The following INF2 variants were observed in gnomAD, a reference collection of about 807,000 sequenced individuals.
The protein encoded by INF2 is inverted formin 2.
Under a neutral mutation model 123.5 loss-of-function variants are expected in INF2, and 43 were observed. The ratio of observed to expected loss-of-function variants is 0.35; its 90% CI spans 0.27 to 0.45. INF2 has a LOEUF of 0.45. Ranked by LOEUF, INF2 falls within the 20% of genes least tolerant of loss-of-function variation. The pLI is 1.00. For synonymous variants in INF2, 851 were observed against 745.0 expected, an observed-to-expected ratio of 1.14 and a Z score of -2.32; for missense variants, 1,453 against 1,682.7, an observed-to-expected ratio of 0.86 and a Z score of 2.39.
intron 1 of INF2, among the ~76,000 whole-genome samples, chr14:104,692,342 C>A (rs1179342989): frequency 6.6e-6 from 1 of 152,260 alleles, no homozygotes; most frequent in Non-Finnish European, 1.5e-5. Flanking sequence ...AAAGCCCCTA[C>A]TGTGTGCATC....
Position 104,703,775 on chromosome 14 carries a change from GATGTCT to G in INF2, c.668-140_668-135del, listed in dbSNP as rs199612689. 110,478 of 1,455,364 alleles carry G rather than the reference GATGTCT, an allele frequency of 0.076. 4,731 individuals carry two copies. Among genetic ancestry groups the G allele is most frequent in the Middle Eastern group, 0.1 (550 of 5,404 alleles). The allele number at this position is 1,455,364 out of a possible 1,614,324, so 90.2% of individuals were successfully genotyped here. ...GTAAGCATCACTGTGTGTCCAGCAT[GATGTCT>G]CCCCTCCAGAGCCTCAGGTCTCTGG... On this transcript the variant is annotated intron_variant, in intron 4 of 22. Transcript: ENST00000392634.
intron 7 of INF2, 94 bp downstream of exon 7, chr14:104,707,145 C>T (rs1889818335): frequency 2.7e-6 from 4 of 1,508,912 alleles, no homozygotes; most frequent in Non-Finnish European, 2.7e-6. Flanking sequence ...GGCCCCAACC[C>T]ATCCTCTGCC....
rs555937950 is a variant in INF2, at chr14:104,714,962, A to G, written c.3694+106A>G. 689 of 1,257,858 alleles carry G rather than the reference A, an allele frequency of 5.5e-4. No individual in the cohort carries two copies. The Middle Eastern group carries it at 7.9e-3, about 14-fold the overall frequency. 77.9% of individuals were successfully genotyped at this position (1,257,858 alleles called of 1,614,324 possible). ...ACTGCAAGTTCCAGCGGCACCCAGG[A>G]GAGGTGACTTGGGTGCGGCACGGGA... On this transcript the variant is annotated intron_variant, in intron 21 of 22. Coordinates refer to ENST00000392634, the MANE Select transcript of INF2 (RefSeq NM_022489.4).
rs1595167027 is a variant in INF2, at chr14:104,703,912, C to T, written c.668-4C>T. On this transcript the variant is annotated splice_polypyrimidine_tract_variant and splice_region_variant and intron_variant, in intron 4 of 22. Transcript: ENST00000392634. ...ACCCTCTGACCCTGTCCGTCCCTTC[C>T]CAGGGCTGCAGCTGCTGGACGTCCT... 2 of 1,611,272 alleles carry T rather than the reference C, an allele frequency of 1.2e-6. No individual in the cohort carries two copies. The highest frequency in any genetic ancestry group is 1.1e-5 in the South Asian group (1 of 91,082).
rs1889891017 is a variant in INF2, at chr14:104,708,505, TCGAGCGA to T, written c.1807_1813del (p.Glu603TyrfsTer35). The T allele has an allele frequency of 6.2e-7, 1 of 1,612,288 alleles. No individual in the cohort carries two copies. On this transcript the variant is annotated frameshift_variant, in exon 9 of 23. Coordinates refer to ENST00000392634, the MANE Select transcript of INF2 (RefSeq NM_022489.4). LOFTEE classifies it high-confidence loss of function. The stretch of plus-strand genomic sequence containing the variant: ...GCTGTGGAGCCCGACTTCTCCAGCA[TCGAGCGA>T]CTATTCTCCTTCCCTGCAGCCAAGC...
Position 104,717,300 on chromosome 14 carries a change from C to CG in INF2, c.*2-1495_*2-1494insG, listed in dbSNP as rs1041835491. 3.1e-4 allele frequency among the ~76,000 whole-genome samples: 44 copies of CG among 141,900 alleles called. 1 individual carries two copies. Among genetic ancestry groups the CG allele is most frequent in the Admixed American group, 1.8e-3 (26 of 14,702 alleles). The allele number at this position is 141,900 out of a possible 152,430, so 93.1% of individuals were successfully genotyped here. A position where few individuals can be genotyped will look rare whatever the true frequency, so the allele number is the denominator to read the frequency against. On this transcript the variant is annotated intron_variant, in intron 22 of 22. Transcript: ENST00000392634. ...GTGCGCTGCCGTCCTCCCAGTCCCC[C>CG]CCCCGGGCAGGGCGCGCTGCCGTCC...
Position 104,715,450 on chromosome 14 carries a change from C to T in INF2, c.*1+110C>T, listed in dbSNP as rs543379118. 1.9e-5 allele frequency: 19 copies of T among 1,024,906 alleles called. 1 individual carries two copies. The highest frequency in any genetic ancestry group is 1.1e-4 in the South Asian group (9 of 78,876). 63.5% of individuals were successfully genotyped at this position (1,024,906 alleles called of 1,614,324 possible). A position where few individuals can be genotyped will look rare whatever the true frequency, so the allele number is the denominator to read the frequency against. ...ACACTAACCTGGCTTCTCTCCAGCC[C>T]GCGTGGTGCGTCAGTGTGGCCTTGC... On this transcript the variant is annotated intron_variant, in intron 22 of 22. Coordinates refer to ENST00000392634, the MANE Select transcript of INF2 (RefSeq NM_022489.4).
intron 22 of INF2, chr14:104,715,879 G>A (rs779671469): frequency 4.4e-6 from 2 of 457,136 alleles, no homozygotes; most frequent in Non-Finnish European, 8.8e-6. Context: ...GATGCTGCCA[G>A]GGACAAGTAC....
At position 104,711,244 on chromosome 14, in the gene INF2, TGTAGAGGC is replaced by T. The variant is rs908504980; in HGVS notation, c.2418+67_2418+74del. The T allele has an allele frequency of 1.3e-4, 188 of 1,400,640 alleles. 1 individual carries two copies. The Middle Eastern group carries it at 1.6e-3, about 12-fold the overall frequency. The allele number at this position is 1,400,640 out of a possible 1,614,324, so 86.8% of individuals were successfully genotyped here. ...GCTTCAAGTCCCCCCGGACCTGGGG[TGTAGAGGC>T]GTAGAGGCCATACCCCCATGCCCAC... is the stretch of plus-strand genomic sequence containing the variant. On this transcript the variant is annotated intron_variant, in intron 15 of 22. Transcript: ENST00000392634.
chr14:104,688,884 C>A (rs1888778882), upstream of INF2, among the ~76,000 whole-genome samples: 1 of 152,270 alleles, frequency 6.6e-6, no homozygotes, highest in Non-Finnish European at 1.5e-5. Context: ...TATGGGCACG[C>A]CCCATGCTGG....
chr14:104,697,725 GC>G (rs367831852), intron 1 of INF2, among the ~76,000 whole-genome samples: 20 of 152,382 alleles, frequency 1.3e-4, no homozygotes, highest in African/African-American at 4.8e-4. Context: ...GAGAGGCATG[GC>G]CCCGTCCTCT....
chr14:104,701,551 C>T lies in INF2; in HGVS notation c.186C>T (p.Gly62=), dbSNP rs1555373276. The change falls in exon 2 of 23, where the codon GGC becomes GGT. Residue 62 remains glycine, a synonymous_variant. Coordinates refer to ENST00000392634, the MANE Select transcript of INF2 (RefSeq NM_022489.4). Reference sequence around the variant, plus strand: ...GCAAGCGCCTGGAGGGCAGCGACGGCGGCTGGATGGTGCAGTTCCTGGAGC... The same window carrying T: ...GCAAGCGCCTGGAGGGCAGCGACGGTGGCTGGATGGTGCAGTTCCTGGAGC... The part of the protein sequence containing the change: ...GLRKRLEGSD[G]GWMVQFLEQS... The T allele has an allele frequency of 2.5e-6, 4 of 1,608,466 alleles. No individual in the cohort carries two copies. Among genetic ancestry groups the T allele is most frequent in the South Asian group, 2.2e-5 (2 of 90,398 alleles).
intron 22 of INF2, 130 bp downstream of exon 22, chr14:104,715,470 C>A: frequency 3.5e-6 from 3 of 860,558 alleles, no homozygotes. Context: ...GTCAGTGTGG[C>A]CTTGCCGCTC....
chr14:104,700,148 C>T (rs941925066), intron 1 of INF2, among the ~76,000 whole-genome samples: 8 of 152,196 alleles, frequency 5.3e-5, no homozygotes, highest in Non-Finnish European at 7.4e-5. Context: ...AAATGCCCTT[C>T]AGCCTGGGGT....
At chr14:104,707,083 C>T in intron 7 of INF2, 32 bp downstream of exon 7, 1 of 1,557,220 alleles carries the variant, frequency 6.4e-7, no homozygotes, top group Non-Finnish European at 8.6e-7. Flanking sequence ...GTAGGCACAG[C>T]CTGGTGGGCA....
chr14:104,717,370 TC>T (rs1191360158), intron 22 of INF2, among the ~76,000 whole-genome samples: 3 of 147,568 alleles, frequency 2.0e-5, no homozygotes, highest in Non-Finnish European at 4.5e-5. Context: ...GTCCTCCCAG[TC>T]CCCCCCGGGC....
Position 104,714,479 on chromosome 14 carries a change from G to A in INF2, c.3317G>A (p.Gly1106Glu). ...GAGGGGGCCTGGCCGGTGACTCTGG[G>A]AGATGCTCAGGCCCTGAAGCCCCTC... ...PLEGAWPVTL[G>E]DAQALKPLKF... The change falls in exon 21 of 23, where the codon GGA becomes GAA. Residue 1106 changes from glycine (G) to glutamate (E), a missense_variant. By Grantham distance (98) the Gly-to-Glu change is moderately conservative. Transcript: ENST00000392634. 3 of 1,612,662 alleles carry A rather than the reference G, an allele frequency of 1.9e-6. No homozygotes were observed. Among genetic ancestry groups the A allele is most frequent in the Non-Finnish European group, 2.5e-6 (3 of 1,179,770 alleles).
chr14:104,712,526 C>G lies in INF2; in HGVS notation c.2583C>G (p.Val861=). The G allele has an allele frequency of 6.2e-7, 1 of 1,612,692 alleles. No individual in the cohort carries two copies. Among genetic ancestry groups the G allele is most frequent in the Non-Finnish European group, 8.5e-7 (1 of 1,179,820 alleles). Residue 861 remains valine (V), a synonymous_variant, in exon 17 of 23, where the codon GTC becomes GTG. Transcript: ENST00000392634. The part of the protein sequence containing the change: ...ERKVSASVAE[V]QEQYTERLQA... ...AGGTGTCTGCCTCCGTGGCCGAGGT[C>G]CAGGAGCAGTACACCGAGCGCCTCC...
At chr14:104,718,307 G>A (rs547321759) in intron 22 of INF2, among the ~76,000 whole-genome samples, 12 of 152,352 alleles carry the variant, frequency 7.9e-5, no homozygotes, top group African/African-American at 2.4e-5. Flanking sequence ...GGAGGCCTGT[G>A]GGGCCATGTG....
Sources: gnomAD v4.1 joint callset for allele counts (sites outside exome capture counted in the v4.1 genomes callset) on GRCh38, gnomAD v4.1.1 for gene constraint, MANE v1.5 for transcripts, NCBI Gene and HGNC (gene_info 2026-07-23, HGNC 2026-07-21) for gene names.